Variants in BCL7B observed in about 807,000 individuals in gnomAD.
BCL7B encodes the protein BAF chromatin remodeling complex subunit BCL7B, also known as B-cell CLL/lymphoma 7 protein family member B.
Under a neutral mutation model 26.5 loss-of-function variants are expected in BCL7B, and 11 were observed. The observed-to-expected ratio is 0.42, with a 90% CI of 0.26 to 0.69. BCL7B has a LOEUF of 0.69. BCL7B is among the 30% of genes least tolerant of loss of function. BCL7B has a pLI of 0.28. For synonymous variants in BCL7B, 111 were observed against 107.9 expected, an observed-to-expected ratio of 1.03 and a Z score of -0.18; for missense variants, 215 against 264.4, an observed-to-expected ratio of 0.81 and a Z score of 1.30.
At chr7:73,548,208 A>G (rs1792026578) in intron 2 of BCL7B, among the ~76,000 whole-genome samples, 1 of 151,718 alleles carries the variant, frequency 6.6e-6, no homozygotes, top group African/African-American at 2.4e-5. Flanking sequence ...GGTGGGCAGA[A>G]CACGAGCTCA....
Position 73,543,566 on chromosome 7 carries a change from G to T in BCL7B, c.247C>A (p.Leu83Ile). The change falls in exon 3 of 6, where the codon CTC becomes ATC. Residue 83 changes from leucine (L) to isoleucine (I), a missense_variant. Coordinates refer to ENST00000223368, the MANE Select transcript of BCL7B (RefSeq NM_001707.4). ...FPSDASANSS[L>I]LLEFQDENSN... Reference sequence around the variant, plus strand: ...AACTCACCCTGGAATTCAAGAAGGAGAGAGGAATTGGCTGAGGCATCAGAA... The same window carrying T: ...AACTCACCCTGGAATTCAAGAAGGATAGAGGAATTGGCTGAGGCATCAGAA... The T allele has an allele frequency of 6.2e-7, 1 of 1,613,806 alleles. No homozygotes were observed. The highest frequency in any genetic ancestry group is 8.5e-7 in the Non-Finnish European group (1 of 1,179,854).
intron 4 of BCL7B, among the ~76,000 whole-genome samples, chr7:73,538,953 G>A (rs2057997): frequency 0.012 from 1,884 of 151,826 alleles, 39 homozygotes; most frequent in African/African-American, 0.043. Flanking sequence ...TCAGACAAGC[G>A]ATTTAACCTT....
Position 73,557,541 on chromosome 7 carries a change from C to A in BCL7B, c.38G>T (p.Arg13Leu), listed in dbSNP as rs868944966. The change falls in exon 1 of 6, where the codon CGG becomes CTG. Residue 13 changes from arginine to leucine, a missense_variant. Coordinates refer to ENST00000223368, the MANE Select transcript of BCL7B (RefSeq NM_001707.4). ...GRSVRAETRS[R>L]AKDDIKKVMA... ...CACCTTCTTGATGTCGTCCTTGGCC[C>A]GGCTGCGGGTCTCCGCCCGGACCGA... is the stretch of plus-strand genomic sequence containing the variant. The A allele has an allele frequency of 7.0e-7, 1 of 1,436,704 alleles. No homozygotes were observed. Among genetic ancestry groups the A allele is most frequent in the South Asian group, 1.4e-5 (1 of 70,264 alleles). 89.0% of individuals were successfully genotyped at this position (1,436,704 alleles called of 1,614,324 possible).
intron 3 of BCL7B, chr7:73,542,759 TG>T: frequency 3.5e-6 from 1 of 285,126 alleles, no homozygotes; most frequent in Non-Finnish European, 7.4e-6. Flanking sequence ...GCTTCGGCTT[TG>T]GGTAGCCTAC....
intron 3 of BCL7B, chr7:73,542,964 G>A (rs904069080): frequency 2.4e-5 from 9 of 374,892 alleles, no homozygotes; most frequent in African/African-American, 1.5e-4. Flanking sequence ...CTTCTGATTC[G>A]GACAACCAGG....
chr7:73,556,938 A>C (rs992927520), intron 1 of BCL7B: 2 of 989,726 alleles, frequency 2.0e-6, no homozygotes, highest in African/African-American at 3.5e-5. Context: ...AATGCCTACC[A>C]AGCTCGCGGC....
intron 5 of BCL7B, 76 bp from the exon 6 acceptor site, chr7:73,537,466 G>A: frequency 9.2e-7 from 1 of 1,091,476 alleles, no homozygotes; most frequent in Non-Finnish European, 1.4e-6. Context: ...GAATTATAAT[G>A]GGATGTCCAC....
intron 4 of BCL7B, among the ~76,000 whole-genome samples, chr7:73,538,742 G>A (rs1791635999): frequency 6.9e-6 from 1 of 145,926 alleles, no homozygotes; most frequent in African/African-American, 2.5e-5. Context: ...GACCCCAGGA[G>A]TTCAAGACTG....
At chr7:73,543,701 G>C in intron 2 of BCL7B, 57 bp from the exon 3 acceptor site, 1 of 1,406,480 alleles carries the variant, frequency 7.1e-7, no homozygotes, top group African/African-American at 1.4e-5. Flanking sequence ...TCACAGAGAG[G>C]GAGGAGGGTG....
chr7:73,550,557 A>G (rs1554583999), intron 2 of BCL7B, among the ~76,000 whole-genome samples: 1 of 152,138 alleles, frequency 6.6e-6, no homozygotes. Flanking sequence ...AAAACAAAAA[A>G]GCAAAAAACC....
At position 73,557,486 on chromosome 7, in the gene BCL7B, C is replaced by A; in HGVS notation, c.92+1G>T. Reference sequence around the variant, plus strand: ...CAGCCCCCTAAGCTCCGGCCCCTCACCATTTCCGCACTTTCTCGATGGCCG... The same window carrying A: ...CAGCCCCCTAAGCTCCGGCCCCTCAACATTTCCGCACTTTCTCGATGGCCG... On this transcript the variant is annotated splice_donor_variant, in intron 1 of 5. Coordinates refer to ENST00000223368, the MANE Select transcript of BCL7B (RefSeq NM_001707.4). LOFTEE classifies it high-confidence loss of function. The A allele has an allele frequency of 7.0e-7, 1 of 1,427,572 alleles. No homozygotes were observed. The highest frequency in any genetic ancestry group is 9.3e-7 in the Non-Finnish European group (1 of 1,079,024). The allele number at this position is 1,427,572 out of a possible 1,614,324, so 88.4% of individuals were successfully genotyped here. A position where few individuals can be genotyped will look rare whatever the true frequency, so the allele number is the denominator to read the frequency against.
In BCL7B at chr7:73,539,994, G is replaced by A; in HGVS notation, c.324C>T (p.Ser108=). Residue 108 remains serine (S), a synonymous_variant, in exon 4 of 6, where the codon AGC becomes AGT. Transcript: ENST00000223368. ...SDVYQLKVDS[S]TNSSPSPQQS... is the part of the protein sequence containing the mutation. ...GCTGGGGGCTGGGGCTTGAGTTGGT[G>A]CTGCTGTCCACCTTAAGCTGATAGA... 5 of 1,614,078 alleles carry A rather than the reference G, an allele frequency of 3.1e-6. No homozygotes were observed. Among genetic ancestry groups the A allele is most frequent in the Non-Finnish European group, 4.2e-6 (5 of 1,180,022 alleles).
chr7:73,538,112 G>A (rs1279565117), intron 4 of BCL7B, 99 bp from the exon 5 acceptor site: 2 of 658,202 alleles, frequency 3.0e-6, no homozygotes, highest in Admixed American at 2.9e-5. Context: ...TGGTGAGGAG[G>A]GGAGAATACT....
At chr7:73,557,403 G>T in intron 1 of BCL7B, 84 bp downstream of exon 1, 1 of 1,165,626 alleles carries the variant, frequency 8.6e-7, no homozygotes, top group Non-Finnish European at 1.1e-6. Context: ...CCGGCCGGTC[G>T]GCTCCCACCT....
At chr7:73,554,733 C>T (rs1270989874) in intron 1 of BCL7B, among the ~76,000 whole-genome samples, 1 of 148,964 alleles carries the variant, frequency 6.7e-6, no homozygotes, top group Non-Finnish European at 1.5e-5. Flanking sequence ...CAGAGGCGGA[C>T]ACTGCAGTGA....
chr7:73,542,683 C>T (rs1221200807), intron 3 of BCL7B: 2 of 190,882 alleles, frequency 1.0e-5, no homozygotes, highest in Non-Finnish European at 2.3e-5. Context: ...AGTATCATGA[C>T]TACGGTGATG....
Position 73,552,221 on chromosome 7 carries a change from C to G in BCL7B, c.114G>C (p.Val38=). 1.2e-6 allele frequency: 2 copies of G among 1,610,006 alleles called. No individual in the cohort carries two copies. The highest frequency in any genetic ancestry group is 1.7e-6 in the Non-Finnish European group (2 of 1,178,956). Residue 38 remains valine, a synonymous_variant, in exon 2 of 6, where the codon GTG becomes GTC. Transcript: ENST00000223368. ...TAAATATCCTCAGGGACGTGTCACC[C>G]ACAGTCACCCACTTCTTCTCCCTAA... ...VRKWEKKWVT[V]GDTSLRIFKW...
intron 2 of BCL7B, among the ~76,000 whole-genome samples, chr7:73,544,588 T>C (rs1277791068): frequency 6.6e-6 from 1 of 152,082 alleles, no homozygotes; most frequent in Non-Finnish European, 1.5e-5. Flanking sequence ...ATTCTGCCAC[T>C]TCATAACAGC....
intron 4 of BCL7B, 186 bp from the exon 5 acceptor site, chr7:73,538,199 G>A (rs1791616261): frequency 2.4e-6 from 1 of 413,638 alleles, no homozygotes. Flanking sequence ...GCAAAATACG[G>A]CTAGACTGCA....
Sources: gnomAD v4.1 joint callset for allele counts (sites outside exome capture counted in the v4.1 genomes callset) on GRCh38, gnomAD v4.1.1 for gene constraint, MANE v1.5 for transcripts, NCBI Gene and HGNC (gene_info 2026-07-23, HGNC 2026-07-21) for gene names.